Variants in RNLS observed in about 807,000 individuals in gnomAD.
RNLS encodes the protein renalase.
Under a neutral mutation model 39.8 loss-of-function variants are expected in RNLS, and 39 were observed. The observed-to-expected ratio is 0.98, with a 90% confidence interval of 0.76 to 1.28. RNLS has a LOEUF of 1.28. Among genes scored for constraint, RNLS ranks in the 50% most tolerant of loss-of-function variants. The pLI is 0.00. For missense variants in RNLS, 410 were observed against 413.3 expected, an observed-to-expected ratio of 0.99 and a Z score of 0.07; for synonymous variants, 147 against 150.7, an observed-to-expected ratio of 0.98 and a Z score of 0.18.
chr10:88,354,554 T>C (rs1848995022), intron 5 of RNLS, among the ~76,000 whole-genome samples: 1 of 152,232 alleles, frequency 6.6e-6, no homozygotes, highest in African/African-American at 2.4e-5. Context: ...CCCCCCTCTC[T>C]TCTGGCTTGT....
At chr10:88,248,903 G>T in the RNLS span, among the ~76,000 whole-genome samples, 4 of 152,304 alleles carry the variant, frequency 2.6e-5, no homozygotes, top group East Asian at 7.7e-4. Context: ...TGAACATGCT[G>T]TCCATGTGCC....
chr10:88,172,197 G>A, the RNLS span, among the ~76,000 whole-genome samples: 7 of 152,270 alleles, frequency 4.6e-5, no homozygotes, highest in Non-Finnish European at 1.0e-4. Context: ...CCCAGTAGTG[G>A]AATTGTTGAA....
At chr10:88,265,311 T>C in the RNLS span, among the ~76,000 whole-genome samples, 21 of 144,680 alleles carry the variant, frequency 1.5e-4, no homozygotes, top group Non-Finnish European at 2.8e-4. Context: ...GCTTTGGCTA[T>C]GCAGGGTTTT....
At chr10:88,229,632 C>T in the RNLS span, among the ~76,000 whole-genome samples, 1 of 146,616 alleles carries the variant, frequency 6.8e-6, no homozygotes, top group Non-Finnish European at 1.5e-5. Flanking sequence ...TTTCATTGCC[C>T]CAAAAGAAAC....
intron 4 of RNLS, among the ~76,000 whole-genome samples, chr10:88,538,541 A>T (rs1310983801): frequency 6.6e-6 from 1 of 152,144 alleles, no homozygotes; most frequent in East Asian, 1.9e-4. Context: ...AGAAATAATA[A>T]AATACTCCTT....
intron 4 of RNLS, among the ~76,000 whole-genome samples, chr10:88,541,193 A>C (rs1386393730): frequency 6.6e-6 from 1 of 152,196 alleles, no homozygotes; most frequent in Non-Finnish European, 1.5e-5. Context: ...CAATATAAAA[A>C]CTGAATTCTT....
At chr10:88,570,986 T>A (rs1849793190) in intron 4 of RNLS, among the ~76,000 whole-genome samples, 1 of 121,330 alleles carries the variant, frequency 8.2e-6, no homozygotes, top group African/African-American at 3.5e-5. Flanking sequence ...TTTTTTTTGG[T>A]TTGTTTTTTT....
intron 6 of RNLS, chr10:88,275,084 C>T (rs1334994313): frequency 7.9e-7 from 1 of 1,272,112 alleles, no homozygotes. Flanking sequence ...ACACAATGGC[C>T]TCTGACACCT....
intron 4 of RNLS, among the ~76,000 whole-genome samples, chr10:88,558,063 A>T (rs546054972): frequency 6.6e-6 from 1 of 152,298 alleles, no homozygotes; most frequent in South Asian, 2.1e-4. Context: ...GCCTAGTTTA[A>T]AACATCACAC....
intron 4 of RNLS, among the ~76,000 whole-genome samples, chr10:88,530,046 C>T (rs925834955): frequency 2.0e-5 from 3 of 152,132 alleles, no homozygotes; most frequent in Non-Finnish European, 4.4e-5. Flanking sequence ...CTTATGTTTT[C>T]CAGGCAACAT....
intron 4 of RNLS, among the ~76,000 whole-genome samples, chr10:88,440,224 C>T (rs1841634152): frequency 6.6e-6 from 1 of 152,118 alleles, no homozygotes; most frequent in South Asian, 2.1e-4. Flanking sequence ...TCTTAACAAG[C>T]ACCTCCATGG....
chr10:88,175,194 C>A, the RNLS span, among the ~76,000 whole-genome samples: 1 of 150,580 alleles, frequency 6.6e-6, no homozygotes, highest in African/African-American at 2.4e-5. Flanking sequence ...TTTATTTTTT[C>A]AAAAAAAATG....
At chr10:88,521,096 C>T (rs1297225784) in intron 4 of RNLS, among the ~76,000 whole-genome samples, 1 of 151,968 alleles carries the variant, frequency 6.6e-6, no homozygotes, top group Non-Finnish European at 1.5e-5. Context: ...TTTACCTTGT[C>T]CCAACTTTCA....
chr10:88,298,643 A>G (rs1425184160), intron 6 of RNLS, among the ~76,000 whole-genome samples: 1 of 152,228 alleles, frequency 6.6e-6, no homozygotes, highest in Non-Finnish European at 1.5e-5. Context: ...AATTGACTAT[A>G]GGTATAGGTT....
chr10:88,343,840 A>C, intron 5 of RNLS: 5 of 983,598 alleles, frequency 5.1e-6, no homozygotes, highest in Non-Finnish European at 6.0e-6. Flanking sequence ...GGGTTTCAAT[A>C]GTCCTTTAAT....
At chr10:88,432,548 CT>C (rs530352662) in intron 4 of RNLS, among the ~76,000 whole-genome samples, 4 of 151,740 alleles carry the variant, frequency 2.6e-5, no homozygotes, top group Non-Finnish European at 4.4e-5. Flanking sequence ...CATCTTTTCT[CT>C]TTTTTTTCTG....
chr10:88,514,524 T>C (rs778620282), intron 4 of RNLS, among the ~76,000 whole-genome samples: 3 of 152,106 alleles, frequency 2.0e-5, no homozygotes, highest in Admixed American at 6.6e-5. Flanking sequence ...AACTTATTCA[T>C]TTTGCATAAT....
At chr10:88,535,534 C>A (rs944108372) in intron 4 of RNLS, among the ~76,000 whole-genome samples, 3 of 151,924 alleles carry the variant, frequency 2.0e-5, no homozygotes. Context: ...ACCACCATGG[C>A]ACACGTTTAC....
At chr10:88,502,270 TAAGGAGGAGGCCCTTTAGCAGA>T (rs557162811) in intron 4 of RNLS, among the ~76,000 whole-genome samples, 253 of 135,882 alleles carry the variant, frequency 1.9e-3, no homozygotes, top group African/African-American at 6.0e-3. Context: ...TGTGGCAGTG[TAAGGAGGAGGCCCTTTAGCAGA>T]GGTGGGGTAG....
Sources: gnomAD v4.1 joint callset for allele counts (sites outside exome capture counted in the v4.1 genomes callset) on GRCh38, gnomAD v4.1.1 for gene constraint, MANE v1.5 for transcripts, NCBI Gene and HGNC (gene_info 2026-07-23, HGNC 2026-07-21) for gene names.